Variants in CTCF observed in about 807,000 individuals in gnomAD.
CTCF encodes CCCTC-binding factor.
A neutral mutation model predicts 72.3 loss-of-function variants in CTCF; 7 were observed. The ratio of observed to expected loss-of-function variants is 0.10; its 90% CI spans 0.06 to 0.18. CTCF has a LOEUF of 0.18. Ranked by LOEUF, CTCF falls within the 10% of genes least tolerant of loss-of-function variation. The pLI is 1.00. For synonymous variants in CTCF, 374 were observed against 315.8 expected, an observed-to-expected ratio of 1.18 and a Z score of -1.95; for missense variants, 516 against 949.1, an observed-to-expected ratio of 0.54 and a Z score of 6.00.
At chr16:67,616,536 G>A (rs2052133802) in intron 4 of CTCF, 1 of 534,028 alleles carries the variant, frequency 1.9e-6, no homozygotes. Context: ...AAACTAATTT[G>A]GTATGTGTTA....
chr16:67,594,526 CTT>C (rs1327608338), intron 2 of CTCF, among the ~76,000 whole-genome samples: 2 of 151,990 alleles, frequency 1.3e-5, no homozygotes, highest in Admixed American at 6.6e-5. Context: ...CATAATGAAA[CTT>C]TGTCTTTCAA....
chr16:67,622,114 T>C (rs769745742), intron 7 of CTCF, among the ~76,000 whole-genome samples: 2 of 152,140 alleles, frequency 1.3e-5, no homozygotes, highest in African/African-American at 4.8e-5. Context: ...CCCAGCACTT[T>C]GGGAGGCCAA....
chr16:67,636,864 T>A lies in CTCF; in HGVS notation c.1999+13T>A. On this transcript the variant is annotated intron_variant, in intron 11 of 11. Coordinates refer to ENST00000264010, the MANE Select transcript of CTCF (RefSeq NM_006565.4). ...AAACAGAACCAGCGTAAGTTGTTCA[T>A]CTCTGCTCTGGAGGCTGGCGTCTTC... 1 of 1,518,490 alleles carries A rather than the reference T, an allele frequency of 6.6e-7. No individual in the cohort carries two copies. The highest frequency in any genetic ancestry group is 1.4e-5 in the African/African-American group (1 of 71,698). The allele number at this position is 1,518,490 out of a possible 1,614,324, so 94.1% of individuals were successfully genotyped here.
rs957282387 is a variant in CTCF at position 67,571,179 on chromosome 16, A to G, written c.-95A>G. The G allele has an allele frequency of 6.6e-6, 1 of 152,598 alleles. No individual in the cohort carries two copies. The highest frequency in any genetic ancestry group is 2.4e-5 in the African/African-American group (1 of 41,432). 9.5% of individuals were successfully genotyped at this position (152,598 alleles called of 1,614,324 possible). A position where few individuals can be genotyped will look rare whatever the true frequency, so the allele number is the denominator to read the frequency against. On this transcript the variant is annotated 5_prime_UTR_variant, in exon 2 of 12. It removes an upstream start codon present in the reference 5' UTR. Transcript: ENST00000264010. ...TACGGACCTGAAGCCAAAGAACAAG[A>G]TGCGCTAGTGGACAGATTGCTGACC... is the stretch of plus-strand genomic sequence containing the variant.
intron 2 of CTCF, among the ~76,000 whole-genome samples, chr16:67,585,609 C>T (rs1225888768): frequency 2.0e-5 from 3 of 152,126 alleles, no homozygotes; most frequent in Non-Finnish European, 2.9e-5. Context: ...TAATGTAGTG[C>T]ACTTGGACCA....
chr16:67,588,109 C>A lies in CTCF; in HGVS notation c.-10+16845C>A, dbSNP rs922205539. Among the ~76,000 whole-genome samples, 3 of 152,068 alleles carry A rather than the reference C, an allele frequency of 2.0e-5. No individual in the cohort carries two copies. The East Asian group carries it at 5.8e-4, about 29-fold the overall frequency. ...CTGACCTCAGGTGATTCACCTGCCT[C>A]GGTCTCCCAAAGTGCTGGGATTACA... On this transcript the variant is annotated intron_variant, in intron 2 of 11. Coordinates refer to ENST00000264010, the MANE Select transcript of CTCF (RefSeq NM_006565.4).
chr16:67,602,842 CAAAAAAAAA>C (rs75191313), intron 2 of CTCF, among the ~76,000 whole-genome samples: 4 of 55,352 alleles, frequency 7.2e-5, no homozygotes, highest in Non-Finnish European at 1.2e-4. Context: ...ACTCCATCTC[CAAAAAAAAA>C]AAAAAAAAAA....
intron 10 of CTCF, among the ~76,000 whole-genome samples, chr16:67,629,797 C>G (rs71393957): frequency 3.9e-5 from 2 of 50,822 alleles, no homozygotes; most frequent in Non-Finnish European, 7.0e-5. Context: ...TTTTTTGAGA[C>G]GGAGTCTCGC....
intron 7 of CTCF, among the ~76,000 whole-genome samples, chr16:67,622,969 G>C (rs569542361): frequency 5.6e-4 from 82 of 146,124 alleles, no homozygotes; most frequent in Admixed American, 2.9e-3. Context: ...GCCCTCACTT[G>C]CTTTTTTTTG....
chr16:67,629,457 T>C lies in CTCF; in HGVS notation c.1761T>C (p.Asn587=). ...CAGPDGVEGE[N]GGETKKSKRG... Reference sequence around the variant, plus strand: ...GCCCAGATGGCGTAGAGGGGGAAAATGGAGGAGAAACGAAGAAGAGTAAAC... The same window carrying C: ...GCCCAGATGGCGTAGAGGGGGAAAACGGAGGAGAAACGAAGAAGAGTAAAC... Residue 587 remains asparagine (N), a synonymous_variant, in exon 10 of 12, where the codon AAT becomes AAC. Transcript: ENST00000264010. 2.5e-6 allele frequency: 4 copies of C among 1,612,640 alleles called. No homozygotes were observed. The highest frequency in any genetic ancestry group is 3.4e-6 in the Non-Finnish European group (4 of 1,179,506).
At chr16:67,618,214 C>T (rs2052158162) in intron 5 of CTCF, among the ~76,000 whole-genome samples, 1 of 152,086 alleles carries the variant, frequency 6.6e-6, no homozygotes. Context: ...CCAGTGTGGC[C>T]AACATGGTGA....
In CTCF at chr16:67,610,828, G is replaced by T. The variant is rs2142822804; in HGVS notation, c.-5G>T. The T allele has an allele frequency of 6.8e-7, 1 of 1,462,024 alleles. No individual in the cohort carries two copies. The highest frequency in any genetic ancestry group is 9.1e-7 in the Non-Finnish European group (1 of 1,102,786). The allele number at this position is 1,462,024 out of a possible 1,614,324, so 90.6% of individuals were successfully genotyped here. ...CTGTGTTCTCCCTTAATAAAGGCAGGGGAAATGGAAGGTGATGCAGTCGAA... is the reference window on the plus strand; with the variant it reads ...CTGTGTTCTCCCTTAATAAAGGCAGTGGAAATGGAAGGTGATGCAGTCGAA... On this transcript the variant is annotated 5_prime_UTR_variant, in exon 3 of 12. Transcript: ENST00000264010.
intron 2 of CTCF, among the ~76,000 whole-genome samples, chr16:67,579,750 A>G (rs1181291116): frequency 6.6e-6 from 1 of 152,162 alleles, no homozygotes; most frequent in African/African-American, 2.4e-5. Flanking sequence ...GCCTTCTTAT[A>G]TACACATCTT....
intron 1 of CTCF, among the ~76,000 whole-genome samples, chr16:67,569,027 G>C (rs113741967): frequency 5.9e-4 from 89 of 151,724 alleles, no homozygotes; most frequent in African/African-American, 1.4e-3. Flanking sequence ...TTTTAGTAGA[G>C]ACAAGGTTCC....
intron 9 of CTCF, 54 bp from the exon 10 acceptor site, chr16:67,629,344 A>T: frequency 6.5e-7 from 1 of 1,535,046 alleles, no homozygotes; most frequent in South Asian, 1.2e-5. Context: ...ATAACTTCCA[A>T]TCTGATCTTA....
intron 10 of CTCF, among the ~76,000 whole-genome samples, chr16:67,633,781 G>GACACACACACAC (rs10587869): frequency 1.5e-4 from 22 of 143,200 alleles, no homozygotes; most frequent in South Asian, 6.7e-4. Context: ...CTTGTCCCCT[G>GACACACACACAC]ACACACACAC....
At chr16:67,595,848 T>C (rs1472874553) in intron 2 of CTCF, among the ~76,000 whole-genome samples, 2 of 152,184 alleles carry the variant, frequency 1.3e-5, no homozygotes, top group African/African-American at 2.4e-5. Context: ...AAGCACTATT[T>C]TTGATGTCTA....
chr16:67,616,920 C>T (rs966389553), intron 5 of CTCF, 42 bp downstream of exon 5: 1 of 1,596,726 alleles, frequency 6.3e-7, no homozygotes. Context: ...TTAGGCAGAC[C>T]ATGATTTATT....
At chr16:67,580,445 C>G (rs967864283) in intron 2 of CTCF, among the ~76,000 whole-genome samples, 1 of 152,108 alleles carries the variant, frequency 6.6e-6, no homozygotes. Flanking sequence ...CTCAAGCAAT[C>G]CCCTCCTCCC....
Sources: gnomAD v4.1 joint callset for allele counts (sites outside exome capture counted in the v4.1 genomes callset) on GRCh38, gnomAD v4.1.1 for gene constraint, MANE v1.5 for transcripts, NCBI Gene and HGNC (gene_info 2026-07-23, HGNC 2026-07-21) for gene names.